Variants in GLRA2 observed in about 807,000 individuals in gnomAD.
GLRA2 encodes the protein glycine receptor alpha 2, also known as glycine receptor subunit alpha-2.
In GLRA2, 11 loss-of-function variants were observed where a neutral mutation model predicts 31.6. The observed-to-expected ratio is 0.35, with a 90% CI of 0.22 to 0.58. The LOEUF (loss-of-function observed/expected upper bound fraction) is 0.58. Ranked by LOEUF, GLRA2 falls within the 20% of genes least tolerant of loss-of-function variation. The pLI, the probability that GLRA2 is intolerant of heterozygous loss-of-function variation, is 0.84. For missense variants in GLRA2, 212 were observed against 351.8 expected, an observed-to-expected ratio of 0.60 and a Z score of 3.18; for synonymous variants, 132 against 134.0, an observed-to-expected ratio of 0.99 and a Z score of 0.10.
intron 7 of GLRA2, among the ~76,000 whole-genome samples, chrX:14,683,014 T>G (rs1395409465): frequency 8.9e-6 from 1 of 111,889 alleles, no homozygotes; most frequent in East Asian, 2.8e-4. Context: ...TAAACATACG[T>G]GTGCATGTGT....
At chrX:14,487,662 T>C in the GLRA2 span, among the ~76,000 whole-genome samples, 2 of 111,824 alleles carry the variant, frequency 1.8e-5, no homozygotes, top group Admixed American at 1.9e-4. Context: ...CAGAATTTAA[T>C]CTGCTAAAAT....
chrX:14,697,838 T>C (rs915922407), intron 8 of GLRA2, among the ~76,000 whole-genome samples: 1 of 112,292 alleles, frequency 8.9e-6, no homozygotes, highest in Admixed American at 9.4e-5. Flanking sequence ...TGAATGCTCA[T>C]AATTGAGTGA....
At chrX:14,717,411 A>C (rs2091804859) in intron 8 of GLRA2, among the ~76,000 whole-genome samples, 1 of 110,427 alleles carries the variant, frequency 9.1e-6, no homozygotes, top group African/African-American at 3.3e-5. Context: ...ATACTCCTAC[A>C]CACAGTTTTA....
the GLRA2 span, among the ~76,000 whole-genome samples, chrX:14,455,943 G>C: frequency 2.7e-5 from 3 of 111,427 alleles, no homozygotes; most frequent in Non-Finnish European, 3.8e-5. Context: ...TTCTTTGAGG[G>C]AGAGGCATTG....
At chrX:14,639,711 C>A (rs2090752998) in intron 7 of GLRA2, among the ~76,000 whole-genome samples, 1 of 111,552 alleles carries the variant, frequency 9.0e-6, no homozygotes, top group African/African-American at 3.3e-5. Context: ...TGCCTGGAGA[C>A]CCTACCAAAA....
At chrX:14,683,447 G>A (rs1444077388) in intron 7 of GLRA2, among the ~76,000 whole-genome samples, 1 of 110,948 alleles carries the variant, frequency 9.0e-6, no homozygotes, top group African/African-American at 3.3e-5. Flanking sequence ...CTGGATATTA[G>A]CCCTTTGTCA....
At chrX:14,582,833 T>G (rs1445392608) in intron 4 of GLRA2, among the ~76,000 whole-genome samples, 2 of 112,011 alleles carry the variant, frequency 1.8e-5, no homozygotes, top group Non-Finnish European at 3.8e-5. Flanking sequence ...AACTCTATCA[T>G]TATAGCTCAA....
chrX:14,615,281 G>A (rs963032306), intron 7 of GLRA2, among the ~76,000 whole-genome samples: 5 of 111,492 alleles, frequency 4.5e-5, no homozygotes, highest in African/African-American at 1.6e-4. Context: ...TAATCAAGGG[G>A]TATTCCCAGT....
chrX:14,468,735 G>A, the GLRA2 span, among the ~76,000 whole-genome samples: 4 of 111,247 alleles, frequency 3.6e-5, no homozygotes, highest in South Asian at 3.7e-4. Context: ...CTGAGGAATC[G>A]CCACACTGAC....
At position 14,615,424 on chromosome X, in the gene GLRA2, C is replaced by G. The variant is rs1207291820; in HGVS notation, c.930+6219C>G. On this transcript the variant is annotated intron_variant, in intron 7 of 8. Coordinates refer to ENST00000218075, the MANE Select transcript of GLRA2 (RefSeq NM_002063.4). ...CCTACCCTCAGGGGCTTGTAATCTG[C>G]TAGGCCAGAGATAGGCATTTGGAAT... Among the ~76,000 whole-genome samples the G allele has an allele frequency of 8.1e-5, 9 of 111,717 alleles. No individual in the cohort carries two copies. In the Admixed American group the frequency reaches 8.6e-4, roughly 11 times the overall value.
the GLRA2 span, among the ~76,000 whole-genome samples, chrX:14,519,726 G>T: frequency 8.9e-6 from 1 of 112,033 alleles, no homozygotes; most frequent in African/African-American, 3.2e-5. Flanking sequence ...GATCTCCCTA[G>T]ATACTGTAAC....
the GLRA2 span, among the ~76,000 whole-genome samples, chrX:14,475,796 T>A: frequency 9.0e-6 from 1 of 111,620 alleles, no homozygotes; most frequent in Non-Finnish European, 1.9e-5. Flanking sequence ...ATTAATTTTT[T>A]AAATGCTGAT....
At chrX:14,458,751 C>T in the GLRA2 span, among the ~76,000 whole-genome samples, 1 of 111,394 alleles carries the variant, frequency 9.0e-6, no homozygotes, top group African/African-American at 3.3e-5. Context: ...TGTTTGAGTT[C>T]ATTGTAGATT....
intron 7 of GLRA2, among the ~76,000 whole-genome samples, chrX:14,670,024 A>G (rs750099777): frequency 2.9e-4 from 33 of 112,097 alleles, no homozygotes; most frequent in South Asian, 1.1e-3. Flanking sequence ...TCACCTCTTG[A>G]ATGCTTTGCT....
chrX:14,547,808 C>T (rs912675774), intron 2 of GLRA2, among the ~76,000 whole-genome samples: 5 of 111,606 alleles, frequency 4.5e-5, no homozygotes, highest in Non-Finnish European at 9.4e-5. Flanking sequence ...ACCTTTCCTA[C>T]GTGCTCAGTC....
chrX:14,687,997 GT>G (rs981276774), intron 7 of GLRA2, among the ~76,000 whole-genome samples: 1 of 112,339 alleles, frequency 8.9e-6, no homozygotes, highest in Admixed American at 9.4e-5. Context: ...TGTCCTTTCT[GT>G]TTGTTAGTTT....
intron 7 of GLRA2, among the ~76,000 whole-genome samples, chrX:14,688,260 G>C (rs969091936): frequency 1.8e-5 from 2 of 111,884 alleles, no homozygotes; most frequent in South Asian, 3.8e-4. Context: ...GGACCCACTT[G>C]AGGAGGCAGT....
intron 2 of GLRA2, among the ~76,000 whole-genome samples, chrX:14,534,685 C>T (rs1429701359): frequency 9.2e-6 from 1 of 109,020 alleles, no homozygotes; most frequent in East Asian, 2.9e-4. Flanking sequence ...ATAAGTGATC[C>T]TTTTCTCCAG....
At position 14,532,285 on chromosome X, in the gene GLRA2, T is replaced by C. The variant is rs867583605; in HGVS notation, c.115T>C (p.Ser39Pro). The stretch of plus-strand genomic sequence containing the variant: ...TGACTCCAGGTCTGGAAAACAACCT[T>C]CACAGACCCTATCTCCTTCAGATTT... ...DHDSRSGKQPSQTLSPSDFLD... is the reference protein window; with the variant it reads ...DHDSRSGKQPPQTLSPSDFLD... Residue 39 changes from serine to proline, a missense_variant, in exon 2 of 9, where the codon TCA (serine) becomes CCA (proline). By Grantham distance (74) the Ser-to-Pro change is moderately conservative (BLOSUM62 -1). Around this residue, in one of 5 missense-constraint regions of GLRA2, gnomAD observed 33 missense variants for 27.7 expected, o/e 1.19. Transcript: ENST00000218075. 3 of 1,189,077 alleles carry C rather than the reference T, an allele frequency of 2.5e-6. No homozygotes were observed. Among genetic ancestry groups the C allele is most frequent in the African/African-American group, 3.5e-5 (2 of 56,727 alleles).
Sources: allele counts gnomAD v4.1 joint callset (sites outside exome capture counted in the v4.1 genomes callset), GRCh38; gene constraint gnomAD v4.1.1; regional missense constraint gnomAD v4.1.1; transcripts MANE v1.5; gene names NCBI Gene and HGNC (gene_info 2026-07-23, HGNC 2026-07-21).